The following ARHGAP8 variants were observed in gnomAD, a reference collection of about 807,000 sequenced individuals.
ARHGAP8 encodes the protein Rho GTPase activating protein 8.
In ARHGAP8, 62 loss-of-function variants were observed where a neutral mutation model predicts 46.1. That is an observed-to-expected ratio of 1.34 (90% CI 1.10 to 1.66). The LOEUF (loss-of-function observed/expected upper bound fraction) is 1.66. ARHGAP8 is among the 40% of genes most tolerant of loss of function. ARHGAP8 has a pLI of 0.00. For missense variants in ARHGAP8, 923 were observed against 568.4 expected, an observed-to-expected ratio of 1.62 and a Z score of -6.34; for synonymous variants, 375 against 243.1, an observed-to-expected ratio of 1.54 and a Z score of -5.05.
chr22:44,856,317 GC>G (rs1468948774), intron 10 of ARHGAP8, among the ~76,000 whole-genome samples: 19 of 126,204 alleles, frequency 1.5e-4, no homozygotes, highest in African/African-American at 5.6e-4. Flanking sequence ...TGTTGCCCAG[GC>G]CAGAGTGCAG....
intron 7 of ARHGAP8, among the ~76,000 whole-genome samples, chr22:44,831,063 C>T (rs1054686244): frequency 6.6e-6 from 1 of 152,196 alleles, no homozygotes; most frequent in Admixed American, 6.5e-5. Context: ...ATGCTAGACC[C>T]TAGGCCCTTA....
At chr22:44,812,084 T>A (rs139575103) in intron 4 of ARHGAP8, among the ~76,000 whole-genome samples, 222 of 152,104 alleles carry the variant, frequency 1.5e-3, no homozygotes, top group Middle Eastern at 6.8e-3. Context: ...TTTTCTGTTC[T>A]CTCTGCCTTT....
chr22:44,794,415 T>C (rs759258461), intron 2 of ARHGAP8, among the ~76,000 whole-genome samples: 14 of 151,974 alleles, frequency 9.2e-5, no homozygotes, highest in African/African-American at 1.7e-4. Flanking sequence ...TCTCTCTCTT[T>C]TAAACTTTTT....
intron 1 of ARHGAP8, among the ~76,000 whole-genome samples, chr22:44,773,351 T>G (rs1926181594): frequency 6.6e-6 from 1 of 152,214 alleles, no homozygotes; most frequent in Non-Finnish European, 1.5e-5. Context: ...AGCTTCACCT[T>G]TGTATTTTAA....
chr22:44,754,532 T>G (rs901224995), intron 1 of ARHGAP8, among the ~76,000 whole-genome samples: 1 of 152,060 alleles, frequency 6.6e-6, no homozygotes, highest in Non-Finnish European at 1.5e-5. Context: ...ATTTTTGTAT[T>G]TTTAGTAGAA....
At chr22:44,814,541 C>T (rs1445030434) in intron 4 of ARHGAP8, 131 bp from the exon 5 acceptor site, 2 of 748,630 alleles carry the variant, frequency 2.7e-6, no homozygotes, top group African/African-American at 1.8e-5. Context: ...TGTTTGATGT[C>T]CTTAAATTGA....
At chr22:44,793,954 G>A (rs12157626) in intron 2 of ARHGAP8, among the ~76,000 whole-genome samples, 2,151 of 152,326 alleles carry the variant, frequency 0.014, 58 homozygotes, top group African/African-American at 0.049. Flanking sequence ...TGAAGGTTCC[G>A]GGGATTCCTC....
rs900421681 is a variant in ARHGAP8, at chr22:44,861,518, A to C, written c.982-757A>C. ...GCCATCTCACCTGAGCATCCTCAACAGATCTGTGAGGGTGGTGCCTGGCCC... is the reference window on the plus strand; with the variant it reads ...GCCATCTCACCTGAGCATCCTCAACCGATCTGTGAGGGTGGTGCCTGGCCC... On this transcript the variant is annotated intron_variant, in intron 11 of 11. Coordinates refer to ENST00000356099, the MANE Select transcript of ARHGAP8 (RefSeq NM_181335.3). 4.6e-5 allele frequency among the ~76,000 whole-genome samples: 7 copies of C among 151,424 alleles called. No homozygotes were observed. The East Asian group carries it at 1.2e-3, about 25-fold the overall frequency.
intron 3 of ARHGAP8, among the ~76,000 whole-genome samples, chr22:44,806,751 A>G (rs562401560): frequency 3.3e-5 from 5 of 152,000 alleles, no homozygotes; most frequent in African/African-American, 1.2e-4. Flanking sequence ...TCAGAAGATC[A>G]AGACCATCCT....
At chr22:44,793,952 C>T (rs912179435) in intron 2 of ARHGAP8, among the ~76,000 whole-genome samples, 1 of 152,164 alleles carries the variant, frequency 6.6e-6, no homozygotes, top group African/African-American at 2.4e-5. Flanking sequence ...GTTGAAGGTT[C>T]CGGGGATTCC....
chr22:44,862,280 C>G lies in ARHGAP8; in HGVS notation c.987C>G (p.Ser329=), dbSNP rs141333303. ...TTGTGTGTGGTTTCCTCCAGGTGTCCCGGGAGAGCATCTTCAACAAAATGA... is the reference window on the plus strand; with the variant it reads ...TTGTGTGTGGTTTCCTCCAGGTGTCGCGGGAGAGCATCTTCAACAAAATGA... The part of the protein sequence containing the change: ...RYLMGFLHAV[S]RESIFNKMNS... The change falls in exon 12 of 12, where the codon TCC becomes TCG. Residue 329 remains serine (S), a synonymous_variant. Coordinates refer to ENST00000356099, the MANE Select transcript of ARHGAP8 (RefSeq NM_181335.3). 15 of 1,590,622 alleles carry G rather than the reference C, an allele frequency of 9.4e-6. No homozygotes were observed. The East Asian group carries it at 2.5e-4, about 26-fold the overall frequency.
intron 1 of ARHGAP8, among the ~76,000 whole-genome samples, chr22:44,779,505 G>A (rs1338546263): frequency 7.9e-5 from 12 of 151,016 alleles, no homozygotes; most frequent in African/African-American, 2.9e-4. Context: ...TAGGACATCT[G>A]CCATTTACAT....
intron 1 of ARHGAP8, among the ~76,000 whole-genome samples, chr22:44,785,762 C>T (rs1165772192): frequency 6.6e-6 from 1 of 152,176 alleles, no homozygotes; most frequent in East Asian, 1.9e-4. Flanking sequence ...GCATGAGAAC[C>T]TCCCCTGCTA....
At chr22:44,845,490 C>T in intron 8 of ARHGAP8, 148 bp downstream of exon 8, 1 of 1,088,952 alleles carries the variant, frequency 9.2e-7, no homozygotes, top group Non-Finnish European at 1.3e-6. Flanking sequence ...GGTCTGGGCT[C>T]TGGCCTCGGA....
chr22:44,858,854 C>G (rs1432107312), intron 10 of ARHGAP8, among the ~76,000 whole-genome samples: 1 of 151,384 alleles, frequency 6.6e-6, no homozygotes, highest in Admixed American at 6.6e-5. Context: ...GGCAGTTCGT[C>G]TAGAGCAGGG....
At chr22:44,793,974 G>A (rs1927893007) in intron 2 of ARHGAP8, among the ~76,000 whole-genome samples, 2 of 152,210 alleles carry the variant, frequency 1.3e-5, no homozygotes, top group Non-Finnish European at 2.9e-5. Context: ...CTCAGCTGCT[G>A]GGGAGACCGA....
At chr22:44,859,258 G>A (rs140300246) in intron 10 of ARHGAP8, among the ~76,000 whole-genome samples, 1 of 152,180 alleles carries the variant, frequency 6.6e-6, no homozygotes, top group Non-Finnish European at 1.5e-5. Flanking sequence ...ACTGGTGGCA[G>A]GTGATTGGAT....
chr22:44,757,557 G>A (rs541666242), intron 1 of ARHGAP8, among the ~76,000 whole-genome samples: 12 of 151,986 alleles, frequency 7.9e-5, no homozygotes, highest in South Asian at 4.1e-4. Flanking sequence ...GATTGCAGGC[G>A]TGAGCCACCA....
At chr22:44,823,376 T>C (rs1930292792) in intron 6 of ARHGAP8, among the ~76,000 whole-genome samples, 1 of 152,084 alleles carries the variant, frequency 6.6e-6, no homozygotes, top group Non-Finnish European at 1.5e-5. Context: ...GTTGGCTAGA[T>C]GAAGAGGCCA....
Sources: allele counts gnomAD v4.1 joint callset (sites outside exome capture counted in the v4.1 genomes callset), GRCh38; gene constraint gnomAD v4.1.1; transcripts MANE v1.5; gene names NCBI Gene and HGNC (gene_info 2026-07-23, HGNC 2026-07-21).